Variants in NIN observed in about 807,000 individuals in gnomAD.
NIN encodes ninein, also known as glycogen synthase kinase 3 beta-interacting protein.
Under a neutral mutation model 257.6 loss-of-function variants are expected in NIN, and 137 were observed. That is an observed-to-expected ratio of 0.53 (90% CI 0.46 to 0.61). NIN has a LOEUF of 0.61. Ranked by LOEUF, NIN falls within the 20% of genes least tolerant of loss-of-function variation. The probability of loss-of-function intolerance (pLI) is 0.00; values close to 1 mark genes in which losing one functional copy is unlikely to be tolerated. For missense variants in NIN, 2,439 were observed against 2,501.2 expected (o/e 0.98, Z 0.53); for synonymous variants, 918 against 919.8 (o/e 1.00, Z 0.04).
In NIN at chr14:50,724,577, T is replaced by C. The variant is rs8010478; in HGVS notation, c.6193-905A>G. 8.0e-3 allele frequency among the ~76,000 whole-genome samples: 1,222 copies of C among 152,240 alleles called. 19 individuals are homozygous for C. The highest frequency in any genetic ancestry group is 0.032 in the South Asian group (155 of 4,824). On this transcript the variant is annotated intron_variant, in intron 30 of 30. Coordinates refer to ENST00000530997, the MANE Select transcript of NIN (RefSeq NM_020921.4). ...TCTTCCTTTCCTTAAAAAAACACTT[T>C]GATGGTTCTTCATTGCCGACAGAAT...
chr14:50,774,917 A>G (rs995382617), intron 7 of NIN, among the ~76,000 whole-genome samples: 7 of 152,238 alleles, frequency 4.6e-5, no homozygotes, highest in Non-Finnish European at 1.0e-4. Context: ...CACTTTGAGC[A>G]GGAGCTGTCT....
chr14:50,787,591 T>C (rs1047708326), intron 5 of NIN, among the ~76,000 whole-genome samples: 1 of 152,198 alleles, frequency 6.6e-6, no homozygotes, highest in Admixed American at 6.5e-5. Flanking sequence ...GCCAACTGAA[T>C]TGACTTGAGC....
chr14:50,728,244 T>G (rs1439774474), intron 29 of NIN, among the ~76,000 whole-genome samples: 1 of 152,150 alleles, frequency 6.6e-6, no homozygotes, highest in Admixed American at 6.5e-5. Context: ...GATCAAAGTT[T>G]TGTAGTTCAA....
chr14:50,787,351 A>T (rs2043391058), intron 5 of NIN, among the ~76,000 whole-genome samples: 2 of 152,204 alleles, frequency 1.3e-5, no homozygotes, highest in South Asian at 4.1e-4. Context: ...AGTTTAGTTT[A>T]GTTTTGTTTT....
In NIN at chr14:50,762,055, G is replaced by A. The variant is rs1338491791; in HGVS notation, c.1775-144C>T. On this transcript the variant is annotated intron_variant, in intron 15 of 30. Coordinates refer to ENST00000530997, the MANE Select transcript of NIN (RefSeq NM_020921.4). ...TGTGAACTAATAGGAAATAACAGAG[G>A]CCAAGAGAAGTCTTTTCTCTTTTCA... is the stretch of plus-strand genomic sequence containing the variant. The A allele has an allele frequency of 1.1e-5, 9 of 814,122 alleles. No individual in the cohort carries two copies. In the East Asian group the frequency reaches 1.2e-4, roughly 11 times the overall value. 50.4% of individuals were successfully genotyped at this position (814,122 alleles called of 1,614,324 possible). A position where few individuals can be genotyped will look rare whatever the true frequency, so the allele number is the denominator to read the frequency against.
intron 18 of NIN, among the ~76,000 whole-genome samples, chr14:50,755,645 TCTC>T (rs2041986269): frequency 1.8e-5 from 2 of 112,152 alleles, no homozygotes; most frequent in African/African-American, 6.2e-5. Flanking sequence ...GTTTGTTTTG[TCTC>T]TTTTTTTTTT....
At chr14:50,792,059 C>T (rs1462935835) in intron 5 of NIN, 1 of 152,108 alleles carries the variant, frequency 6.6e-6, no homozygotes, top group African/African-American at 2.4e-5. Context: ...TACTGAACCT[C>T]CTTTATTGGT....
At chr14:50,770,646 C>T in intron 11 of NIN, 84 bp from the exon 12 acceptor site, 2 of 1,500,044 alleles carry the variant, frequency 1.3e-6, no homozygotes, top group Non-Finnish European at 1.8e-6. Flanking sequence ...AACACAGAGG[C>T]ACAGAGATGA....
chr14:50,772,826 T>C (rs1156594713), intron 8 of NIN, 123 bp downstream of exon 8: 7 of 822,984 alleles, frequency 8.5e-6, no homozygotes, highest in Non-Finnish European at 1.3e-5. Flanking sequence ...TCTTTCTAAT[T>C]CTTCTTTTGC....
chr14:50,754,724 T>G lies in NIN; in HGVS notation c.4664+18A>C. The G allele has an allele frequency of 6.3e-7, 1 of 1,581,292 alleles. No homozygotes were observed. Among genetic ancestry groups the G allele is most frequent in the Non-Finnish European group, 8.6e-7 (1 of 1,162,202 alleles). On this transcript the variant is annotated intron_variant, in intron 19 of 30. Transcript: ENST00000530997. Reference sequence around the variant, plus strand: ...TCTTTGCAAAAATGTCTTAGGAAAATGTAAGTATACGTCTTACCACATTTC... The same window carrying G: ...TCTTTGCAAAAATGTCTTAGGAAAAGGTAAGTATACGTCTTACCACATTTC...
intron 12 of NIN, among the ~76,000 whole-genome samples, chr14:50,767,575 T>C (rs1325176970): frequency 6.7e-6 from 1 of 150,152 alleles, no homozygotes; most frequent in Non-Finnish European, 1.5e-5. Context: ...CCCAGCACTT[T>C]GGGAGGCCAA....
chr14:50,747,981 CACAG>C lies in NIN; in HGVS notation c.5064+7_5064+10del. The stretch of plus-strand genomic sequence containing the variant: ...GTTCTGTGAACCCCCCTTAGCTGCA[CACAG>C]CCTTACCTGTTTCATTTTCTCCAGT... On this transcript the variant is annotated splice_region_variant and intron_variant, in intron 22 of 30. Transcript: ENST00000530997. 1 of 1,580,798 alleles carries C rather than the reference CACAG, an allele frequency of 6.3e-7. No individual in the cohort carries two copies.
intron 2 of NIN, among the ~76,000 whole-genome samples, chr14:50,826,330 G>A (rs190150049): frequency 6.6e-6 from 1 of 152,292 alleles, no homozygotes; most frequent in East Asian, 1.9e-4. Flanking sequence ...GAAAGAACCA[G>A]TATGGGCAAT....
intron 14 of NIN, 142 bp downstream of exon 14, chr14:50,766,165 T>C: frequency 1.5e-6 from 1 of 661,196 alleles, no homozygotes; most frequent in East Asian, 2.7e-5. Flanking sequence ...GTGGGTACTT[T>C]TATTTTTACC....
intron 7 of NIN, among the ~76,000 whole-genome samples, chr14:50,773,656 C>T (rs943340718): frequency 6.6e-6 from 1 of 152,206 alleles, no homozygotes; most frequent in African/African-American, 2.4e-5. Context: ...TGTAACAATA[C>T]TGAGTGTGTT....
intron 3 of NIN, 57 bp from the exon 4 acceptor site, chr14:50,806,875 C>A: frequency 3.6e-6 from 3 of 844,794 alleles, no homozygotes; most frequent in East Asian, 2.7e-5. Flanking sequence ...GAATGCAAAC[C>A]TATCTACAAG....
chr14:50,762,970 T>C (rs1262135311), intron 15 of NIN, among the ~76,000 whole-genome samples: 2 of 151,866 alleles, frequency 1.3e-5, no homozygotes, highest in African/African-American at 4.8e-5. Context: ...TATGGAAAAG[T>C]CCATAACAGC....
At position 50,741,681 on chromosome 14, in the gene NIN, G is replaced by C. The variant is rs776394892; in HGVS notation, c.5349C>G (p.Ser1783=). The part of the protein sequence containing the change: ...DTVQNVNLQM[S]RMKSDLRVTQ... ...TCACTCGTAGGTCAGATTTCATCCGGGACATTTGCAGGTTTACATTCTGCA... is the reference window on the plus strand; with the variant it reads ...TCACTCGTAGGTCAGATTTCATCCGCGACATTTGCAGGTTTACATTCTGCA... The change falls in exon 25 of 31, where the codon TCC becomes TCG. Residue 1783 remains serine, a synonymous_variant. Coordinates refer to ENST00000530997, the MANE Select transcript of NIN (RefSeq NM_020921.4). The C allele has an allele frequency of 6.2e-7, 1 of 1,613,964 alleles. No homozygotes were observed. Among genetic ancestry groups the C allele is most frequent in the Non-Finnish European group, 8.5e-7 (1 of 1,179,934 alleles).
chr14:50,730,619 G>A (rs549181746), intron 28 of NIN, among the ~76,000 whole-genome samples: 1 of 151,772 alleles, frequency 6.6e-6, no homozygotes, highest in East Asian at 1.9e-4. Flanking sequence ...GTGGGGGTGG[G>A]GGCATTGCCC....
Sources: allele counts gnomAD v4.1 joint callset (sites outside exome capture counted in the v4.1 genomes callset), GRCh38; gene constraint gnomAD v4.1.1; transcripts MANE v1.5; gene names NCBI Gene and HGNC (gene_info 2026-07-23, HGNC 2026-07-21).